MSRA: variants seen among roughly 807,000 people sequenced by gnomAD.
MSRA encodes the protein methionine sulfoxide reductase A.
Under a neutral mutation model 31.3 loss-of-function variants are expected in MSRA, and 54 were observed. The ratio of observed to expected loss-of-function variants is 1.73; its 90% CI spans 1.39 to 2.17. MSRA has a LOEUF of 2.17. MSRA is among the 30% of genes most tolerant of loss of function. The pLI, the probability that MSRA is intolerant of heterozygous loss-of-function variation, is 0.00. For missense variants in MSRA, 507 were observed against 300.9 expected (o/e 1.69, Z -5.07); for synonymous variants, 169 against 116.5 (o/e 1.45, Z -2.90).
At chr8:10,420,928 T>A (rs1585742848) in intron 5 of MSRA, among the ~76,000 whole-genome samples, 1 of 148,104 alleles carries the variant, frequency 6.8e-6, no homozygotes, top group Non-Finnish European at 1.5e-5. Context: ...GCCTGAGAGG[T>A]CCAAGCTGCA....
At chr8:10,269,878 C>G (rs962147519) in intron 3 of MSRA, among the ~76,000 whole-genome samples, 1 of 152,108 alleles carries the variant, frequency 6.6e-6, no homozygotes, top group African/African-American at 2.4e-5. Flanking sequence ...GTCTCGATCT[C>G]CTGACCTCGT....
At chr8:10,083,709 T>G (rs181000259) in intron 1 of MSRA, among the ~76,000 whole-genome samples, 119 of 152,350 alleles carry the variant, frequency 7.8e-4, no homozygotes, top group African/African-American at 2.5e-3. Flanking sequence ...TCTGACAGTT[T>G]TATCTGCTAT....
At chr8:10,334,936 C>G (rs924119087) in intron 5 of MSRA, among the ~76,000 whole-genome samples, 1 of 152,224 alleles carries the variant, frequency 6.6e-6, no homozygotes, top group East Asian at 1.9e-4. Context: ...GCCATCTTCC[C>G]GTTGCTATGG....
chr8:10,104,064 A>G (rs1474175586), intron 1 of MSRA, among the ~76,000 whole-genome samples: 1 of 152,114 alleles, frequency 6.6e-6, no homozygotes, highest in Non-Finnish European at 1.5e-5. Context: ...CTCTATTGCT[A>G]ATGTGGGTAT....
intron 1 of MSRA, among the ~76,000 whole-genome samples, chr8:10,058,079 C>T (rs529759300): frequency 6.6e-6 from 1 of 152,246 alleles, no homozygotes; most frequent in East Asian, 1.9e-4. Context: ...TCTATCTTGG[C>T]TTTCTTGCGT....
chr8:10,355,529 G>A (rs902635183), intron 5 of MSRA, among the ~76,000 whole-genome samples: 4 of 152,180 alleles, frequency 2.6e-5, no homozygotes, highest in African/African-American at 7.2e-5. Flanking sequence ...TGTGTCAAAG[G>A]AAAAGAACTG....
intron 1 of MSRA, among the ~76,000 whole-genome samples, chr8:10,158,974 C>T (rs899717563): frequency 7.9e-5 from 12 of 152,064 alleles, no homozygotes; most frequent in Admixed American, 3.3e-4. Flanking sequence ...TCACCAATAG[C>T]CATTGGAGGG....
chr8:10,118,767 C>G (rs879131402), intron 1 of MSRA, among the ~76,000 whole-genome samples: 4 of 152,216 alleles, frequency 2.6e-5, no homozygotes, highest in Admixed American at 6.5e-5. Context: ...ACCAGCTCCT[C>G]TGTTACCTCC....
chr8:10,308,621 C>T (rs375846199), intron 4 of MSRA, among the ~76,000 whole-genome samples: 5 of 152,270 alleles, frequency 3.3e-5, no homozygotes, highest in East Asian at 1.9e-4. Flanking sequence ...CTGGGATTAC[C>T]TGATTGGCAC....
intron 3 of MSRA, among the ~76,000 whole-genome samples, chr8:10,284,279 C>A (rs904656618): frequency 6.6e-6 from 1 of 152,134 alleles, no homozygotes; most frequent in Non-Finnish European, 1.5e-5. Flanking sequence ...ACCTCCACCT[C>A]CCAGGTTCAA....
chr8:10,408,230 A>C (rs566165404), intron 5 of MSRA, among the ~76,000 whole-genome samples: 2 of 152,286 alleles, frequency 1.3e-5, no homozygotes, highest in South Asian at 4.1e-4. Flanking sequence ...TTACATCTGC[A>C]TAGTGACATT....
chr8:10,125,684 C>G (rs1190836192), intron 1 of MSRA, among the ~76,000 whole-genome samples: 2 of 152,166 alleles, frequency 1.3e-5, no homozygotes, highest in Non-Finnish European at 2.9e-5. Context: ...AGCCGAAAGT[C>G]TCTCGTGAAA....
intron 2 of MSRA, among the ~76,000 whole-genome samples, chr8:10,228,335 A>G (rs1811175030): frequency 1.3e-5 from 2 of 152,198 alleles, no homozygotes; most frequent in African/African-American, 4.8e-5. Flanking sequence ...AATGCGCTGC[A>G]TGTGGTTTGC....
intron 5 of MSRA, among the ~76,000 whole-genome samples, chr8:10,329,115 T>C (rs1467595973): frequency 1.3e-5 from 2 of 152,250 alleles, no homozygotes; most frequent in Admixed American, 6.5e-5. Flanking sequence ...TTCCTCTCAC[T>C]ACTTTGCCAA....
chr8:10,299,245 A>G (rs73193549), intron 3 of MSRA, among the ~76,000 whole-genome samples: 14,364 of 152,006 alleles, frequency 0.094, 959 homozygotes, highest in Non-Finnish European at 0.15. Flanking sequence ...TCTTTTGCTT[A>G]TATTTTAGTG....
chr8:10,258,795 A>G (rs1798315575), intron 3 of MSRA, among the ~76,000 whole-genome samples: 1 of 152,204 alleles, frequency 6.6e-6, no homozygotes, highest in Non-Finnish European at 1.5e-5. Context: ...GCTGCCAGTT[A>G]TCTAAGACCT....
At chr8:10,212,136 G>A (rs145773049) in intron 2 of MSRA, among the ~76,000 whole-genome samples, 2,586 of 151,802 alleles carry the variant, frequency 0.017, 66 homozygotes, top group African/African-American at 0.057. Context: ...GCAGTGAGCC[G>A]AGATCGCGCC....
chr8:10,215,514 A>G (rs1476665090), intron 2 of MSRA, among the ~76,000 whole-genome samples: 1 of 152,218 alleles, frequency 6.6e-6, no homozygotes, highest in Non-Finnish European at 1.5e-5. Context: ...GAGTGACGCC[A>G]ACATCACTAG....
chr8:10,283,836 T>TATATATATACACACAC (rs1261287031), intron 3 of MSRA, among the ~76,000 whole-genome samples: 29 of 53,152 alleles, frequency 5.5e-4, no homozygotes, highest in East Asian at 1.7e-3. Context: ...TATATATATA[T>TATATATATACACACAC]ACACACACAC....
Sources: allele counts gnomAD v4.1 joint callset (sites outside exome capture counted in the v4.1 genomes callset), GRCh38; gene constraint gnomAD v4.1.1; transcripts MANE v1.5; gene names NCBI Gene and HGNC (gene_info 2026-07-23, HGNC 2026-07-21).